The following GOLGA4 variants were observed in gnomAD, a reference collection of about 807,000 sequenced individuals.
GOLGA4 encodes the protein golgin subfamily A member 4.
Under a neutral mutation model 265.9 loss-of-function variants are expected in GOLGA4, and 169 were observed. That is an observed-to-expected ratio of 0.64 (90% CI 0.56 to 0.72). The LOEUF (loss-of-function observed/expected upper bound fraction) is 0.72. GOLGA4 is among the 30% of genes least tolerant of loss of function. The probability of loss-of-function intolerance (pLI) is 0.00; values close to 1 mark genes in which losing one functional copy is unlikely to be tolerated. For missense variants in GOLGA4, 2,482 were observed against 2,483.4 expected (o/e 1.00, Z 0.01); for synonymous variants, 923 against 855.8 (o/e 1.08, Z -1.37).
At chr3:37,361,407 T>C (rs539483721) in intron 23 of GOLGA4, 102 bp downstream of exon 23, 2 of 748,644 alleles carry the variant, frequency 2.7e-6, no homozygotes, top group Middle Eastern at 2.4e-4. Context: ...TTAATAAATA[T>C]ATGATTATGC....
In GOLGA4 at chr3:37,257,919, G is replaced by GTATATATGTATATATACATACA. The variant is rs1391678345; in HGVS notation, c.162+6447_162+6468dup. The stretch of plus-strand genomic sequence containing the variant: ...CATATATATATATATATATATGTAT[G>GTATATATGTATATATACATACA]TATATATGTATATATACATACATAT... On this transcript the variant is annotated intron_variant, in intron 2 of 23. Transcript: ENST00000361924. 7.0e-5 allele frequency among the ~76,000 whole-genome samples: 8 copies of GTATATATGTATATATACATACA among 114,060 alleles called. No individual in the cohort carries two copies. The East Asian group carries it at 1.9e-3, about 27-fold the overall frequency. 74.8% of individuals were successfully genotyped at this position (114,060 alleles called of 152,430 possible).
At chr3:37,277,513 C>T (rs970275078) in intron 2 of GOLGA4, among the ~76,000 whole-genome samples, 3 of 152,116 alleles carry the variant, frequency 2.0e-5, no homozygotes, top group Non-Finnish European at 4.4e-5. Context: ...CTATACTGAC[C>T]AAGGATTAAT....
At chr3:37,307,652 G>T (rs545915583) in intron 10 of GOLGA4, among the ~76,000 whole-genome samples, 12 of 151,596 alleles carry the variant, frequency 7.9e-5, no homozygotes, top group Non-Finnish European at 1.5e-4. Context: ...AAGTATGAAT[G>T]AAAGTAGATT....
chr3:37,337,843 C>T (rs768466437), intron 19 of GOLGA4, 109 bp downstream of exon 19: 32 of 665,232 alleles, frequency 4.8e-5, no homozygotes, highest in Non-Finnish European at 7.2e-5. Flanking sequence ...AGTCTTACAC[C>T]CAGGAAATTT....
chr3:37,296,412 A>G (rs1204377201), intron 7 of GOLGA4, among the ~76,000 whole-genome samples, 193 bp downstream of exon 7: 1 of 152,112 alleles, frequency 6.6e-6, no homozygotes. Flanking sequence ...ATGAAACCCC[A>G]AGAAAACCTA....
intron 22 of GOLGA4, among the ~76,000 whole-genome samples, chr3:37,357,499 T>TA: frequency 6.6e-6 from 1 of 152,244 alleles, no homozygotes; most frequent in Non-Finnish European, 1.5e-5. Context: ...GCTTAGGAAA[T>TA]ATGAAATTTT....
chr3:37,327,986 C>G (rs2096977429), intron 14 of GOLGA4, among the ~76,000 whole-genome samples, 161 bp downstream of exon 14: 1 of 151,746 alleles, frequency 6.6e-6, no homozygotes, highest in South Asian at 2.1e-4. Flanking sequence ...GAAATAAAAA[C>G]AATTTAGGGC....
rs745369147 is a variant in GOLGA4, at chr3:37,266,025, CAAAAAAA to C, written c.162+14558_162+14564del. On this transcript the variant is annotated intron_variant, in intron 2 of 23. Transcript: ENST00000361924. ...TGGGTGATGGAGCTAGACCTTGTCT[CAAAAAAA>C]AAAAAAAAAAAAAAAATTTTAACGT... is the stretch of plus-strand genomic sequence containing the variant. Among the ~76,000 whole-genome samples, 475 of 97,074 alleles carry C rather than the reference CAAAAAAA, an allele frequency of 4.9e-3. 3 individuals carry two copies. Among genetic ancestry groups the C allele is most frequent in the African/African-American group, 0.021 (463 of 22,190 alleles). The allele number at this position is 97,074 out of a possible 152,430, so 63.7% of individuals were successfully genotyped here.
intron 9 of GOLGA4, among the ~76,000 whole-genome samples, chr3:37,301,181 A>G (rs1376069088): frequency 6.6e-6 from 1 of 152,246 alleles, no homozygotes; most frequent in Non-Finnish European, 1.5e-5. Context: ...TTCAAGAGAC[A>G]AGTGAACCAC....
chr3:37,284,403 GC>G (rs1454728045), intron 3 of GOLGA4, among the ~76,000 whole-genome samples: 1 of 152,056 alleles, frequency 6.6e-6, no homozygotes, highest in African/African-American at 2.4e-5. Context: ...ACAGGCATGC[GC>G]CACCATGCTC....
chr3:37,316,592 T>C (rs1257174365), intron 11 of GOLGA4, among the ~76,000 whole-genome samples: 2 of 152,198 alleles, frequency 1.3e-5, no homozygotes, highest in Non-Finnish European at 2.9e-5. Flanking sequence ...AAAATAGTCA[T>C]ATGATGTGAT....
At chr3:37,299,545 A>T (rs2096887387) in intron 9 of GOLGA4, among the ~76,000 whole-genome samples, 174 bp downstream of exon 9, 1 of 152,184 alleles carries the variant, frequency 6.6e-6, no homozygotes, top group Admixed American at 6.5e-5. Flanking sequence ...GTTTTGTGTC[A>T]TGTAAAACTG....
At chr3:37,364,698 C>T (rs187552227) in intron 23 of GOLGA4, among the ~76,000 whole-genome samples, 31 of 150,666 alleles carry the variant, frequency 2.1e-4, no homozygotes, top group South Asian at 6.4e-4. Flanking sequence ...GGAATCCTCC[C>T]GCCTCAGCCT....
chr3:37,251,089 TCTC>T (rs1165033035), intron 1 of GOLGA4, among the ~76,000 whole-genome samples: 2 of 152,180 alleles, frequency 1.3e-5, no homozygotes, highest in Non-Finnish European at 2.9e-5. Context: ...GCTTCAGTTT[TCTC>T]TAATATTATC....
chr3:37,333,380 C>CT (rs920498497), intron 16 of GOLGA4, among the ~76,000 whole-genome samples: 39 of 151,350 alleles, frequency 2.6e-4, no homozygotes, highest in African/African-American at 8.7e-4. Context: ...CAACAATATA[C>CT]TTTTTTTTTA....
intron 16 of GOLGA4, among the ~76,000 whole-genome samples, chr3:37,332,213 A>G (rs1027014860): frequency 6.6e-6 from 1 of 152,260 alleles, no homozygotes; most frequent in Non-Finnish European, 1.5e-5. Context: ...AAACTCAACC[A>G]TAGCTTGTTC....
At position 37,325,818 on chromosome 3, in the gene GOLGA4, C is replaced by T. The variant is rs756638672; in HGVS notation, c.3932C>T (p.Ala1311Val). Reference sequence around the variant, plus strand: ...GAAAATCAAATTAAGAGCATGAAGGCTGATATTGAAAGTCTTGTAACAGAA... The same window carrying T: ...GAAAATCAAATTAAGAGCATGAAGGTTGATATTGAAAGTCTTGTAACAGAA... ...EKENQIKSMK[A>V]DIESLVTEKE... The change falls in exon 14 of 24, where the codon GCT becomes GTT. Residue 1311 changes from alanine to valine, a missense_variant. This residue lies in a region of GOLGA4 where 1,536 missense variants were observed against 1,483.7 expected (regional missense o/e 1.04). Coordinates refer to ENST00000361924, the MANE Select transcript of GOLGA4 (RefSeq NM_002078.5). 1.6e-5 allele frequency: 26 copies of T among 1,612,596 alleles called. No individual in the cohort carries two copies. Among genetic ancestry groups the T allele is most frequent in the Non-Finnish European group, 2.0e-5 (24 of 1,178,834 alleles).
intron 20 of GOLGA4, among the ~76,000 whole-genome samples, chr3:37,342,030 C>T (rs929361848): frequency 1.6e-4 from 25 of 152,022 alleles, no homozygotes; most frequent in Non-Finnish European, 3.1e-4. Context: ...TTAATCTCTT[C>T]GTCATGCTGC....
At chr3:37,357,979 T>C (rs2097094956) in intron 22 of GOLGA4, among the ~76,000 whole-genome samples, 1 of 152,198 alleles carries the variant, frequency 6.6e-6, no homozygotes, top group African/African-American at 2.4e-5. Flanking sequence ...ATGGTTTCAC[T>C]TCTATTAAAA....
Sources: allele counts gnomAD v4.1 joint callset (sites outside exome capture counted in the v4.1 genomes callset), GRCh38; gene constraint gnomAD v4.1.1; regional missense constraint gnomAD v4.1.1; transcripts MANE v1.5; gene names NCBI Gene and HGNC (gene_info 2026-07-23, HGNC 2026-07-21).